The following AFTPH variants were observed in gnomAD, a reference collection of about 807,000 sequenced individuals.
The protein encoded by AFTPH is aftiphilin protein.
In AFTPH, 7 loss-of-function variants were observed where a neutral mutation model predicts 72.5. That is an observed-to-expected ratio of 0.10 (90% CI 0.05 to 0.18). The LOEUF is 0.18. Among genes scored for constraint, AFTPH ranks in the 10% least tolerant of loss-of-function variants. The probability of loss-of-function intolerance (pLI) is 1.00; values close to 1 mark genes in which losing one functional copy is unlikely to be tolerated. For synonymous variants in AFTPH, 337 were observed against 370.1 expected (o/e 0.91, Z 1.03); for missense variants, 979 against 1,060.5 (o/e 0.92, Z 1.07).
At chr2:64,551,540 T>G (rs767613047) in exon 2 of AFTPH, 2 of 1,610,126 alleles carry the variant, frequency 1.2e-6, no homozygotes, top group South Asian at 2.2e-5. Flanking sequence ...GAGCAGAGGA[T>G]GATGATGATG....
At chr2:64,556,578 A>C (rs1671389639) in intron 2 of AFTPH, among the ~76,000 whole-genome samples, 1 of 152,134 alleles carries the variant, frequency 6.6e-6, no homozygotes, top group African/African-American at 2.4e-5. Flanking sequence ...TCCACTTTTC[A>C]CTATTTGGTA....
exon 1 of AFTPH, chr2:64,524,369 CGCGGAGGAG>C (rs1416585433): frequency 2.5e-6 from 1 of 402,366 alleles, no homozygotes; most frequent in Non-Finnish European, 4.4e-6. Flanking sequence ...GGGGGGTCTC[CGCGGAGGAG>C]GTGGAGGAGG....
intron 6 of AFTPH, among the ~76,000 whole-genome samples, chr2:64,577,149 C>T (rs570960726): frequency 2.0e-5 from 3 of 152,284 alleles, no homozygotes; most frequent in Non-Finnish European, 2.9e-5. Context: ...ATCCAAGCCT[C>T]CTGTCTCCAT....
chr2:64,573,916 A>G (rs1672614017), intron 6 of AFTPH, among the ~76,000 whole-genome samples: 1 of 152,202 alleles, frequency 6.6e-6, no homozygotes, highest in Non-Finnish European at 1.5e-5. Flanking sequence ...TGGCTTCCCA[A>G]AGTGCTGGGA....
rs1417241275 is a variant in AFTPH at position 64,581,283 on chromosome 2, G to C, written c.2455+1737G>C. 7.6e-6 allele frequency: 12 copies of C among 1,577,320 alleles called. No homozygotes were observed. The highest frequency in any genetic ancestry group is 1.0e-5 in the Non-Finnish European group (12 of 1,161,666). On this transcript the variant is annotated intron_variant, in intron 7 of 8. Coordinates refer to ENST00000238856, the Ensembl canonical transcript of AFTPH. ...AGCACCACAATCCCAGGTCAGCAGA[G>C]TGTTAAAACCACAATTCCAGTTTAT...
intron 7 of AFTPH, chr2:64,580,964 C>A: frequency 3.0e-6 from 1 of 337,016 alleles, no homozygotes; most frequent in Non-Finnish European, 5.4e-6. Flanking sequence ...TTACATTGTA[C>A]ATGAGAAAAT....
At chr2:64,573,459 A>G (rs1272565680) in intron 6 of AFTPH, among the ~76,000 whole-genome samples, 1 of 151,756 alleles carries the variant, frequency 6.6e-6, no homozygotes, top group African/African-American at 2.4e-5. Flanking sequence ...AAAAGAAAAA[A>G]GGAAACACTG....
chr2:64,580,280 C>T (rs1023929867), intron 7 of AFTPH: 1 of 152,596 alleles, frequency 6.6e-6, no homozygotes, highest in East Asian at 1.9e-4. Context: ...TTAAGTTGTT[C>T]GAGCCATTGT....
At chr2:64,566,867 A>C (rs990001615) in intron 2 of AFTPH, among the ~76,000 whole-genome samples, 2 of 152,170 alleles carry the variant, frequency 1.3e-5, no homozygotes, top group African/African-American at 4.8e-5. Flanking sequence ...GTAGTGTAGT[A>C]TTCTATTCAA....
At chr2:64,550,074 A>G (rs1383434629) in intron 1 of AFTPH, among the ~76,000 whole-genome samples, 1 of 152,232 alleles carries the variant, frequency 6.6e-6, no homozygotes, top group Admixed American at 6.5e-5. Context: ...GGGTTTATAT[A>G]TTTTAGAGAA....
Position 64,572,995 on chromosome 2 carries a change from A to C in AFTPH, c.2321A>C (p.Glu774Ala). Residue 774 changes from glutamate (E) to alanine (A), a missense_variant, in exon 6 of 9, where the codon GAA becomes GCA. Transcript: ENST00000238856. ...CCACTGAAACCACTTTCTGCTGCAG[A>C]AAAAATAGCTTCCATCGGTCAGACA... The C allele has an allele frequency of 6.2e-7, 1 of 1,614,140 alleles. No individual in the cohort carries two copies. The highest frequency in any genetic ancestry group is 8.5e-7 in the Non-Finnish European group (1 of 1,179,990).
chr2:64,555,337 G>C (rs1403551441), intron 2 of AFTPH, among the ~76,000 whole-genome samples: 1 of 152,090 alleles, frequency 6.6e-6, no homozygotes, highest in African/African-American at 2.4e-5. Flanking sequence ...GAAGTGGGTG[G>C]ATCACTTGAG....
Position 64,526,040 on chromosome 2 carries a change from A to G in AFTPH, c.-33+1428A>G, listed in dbSNP as rs1014570220. 2.0e-5 allele frequency among the ~76,000 whole-genome samples: 3 copies of G among 152,236 alleles called. No individual in the cohort carries two copies. The South Asian group carries it at 6.2e-4, about 31-fold the overall frequency. Reference sequence around the variant, plus strand: ...TTAAATCTTCAAAAACCTCTGGAAAAAAATCCACTACAATTCACATAATAT... The same window carrying G: ...TTAAATCTTCAAAAACCTCTGGAAAGAAATCCACTACAATTCACATAATAT... On this transcript the variant is annotated intron_variant, in intron 1 of 8. Coordinates refer to ENST00000238856, the Ensembl canonical transcript of AFTPH.
chr2:64,532,670 T>C (rs1210169579), intron 1 of AFTPH, among the ~76,000 whole-genome samples: 1 of 152,182 alleles, frequency 6.6e-6, no homozygotes, highest in Admixed American at 6.5e-5. Flanking sequence ...CTTGTTAAGC[T>C]CAGTTTGAGA....
At chr2:64,565,392 G>A (rs962448247) in intron 2 of AFTPH, among the ~76,000 whole-genome samples, 3 of 149,382 alleles carry the variant, frequency 2.0e-5, no homozygotes, top group Non-Finnish European at 3.0e-5. Context: ...GGAGAATGAC[G>A]TGAACCTGGG....
chr2:64,524,651 A>T (rs1669134786), intron 1 of AFTPH, 39 bp downstream of exon 1: 1 of 396,548 alleles, frequency 2.5e-6, no homozygotes, highest in Non-Finnish European at 4.4e-6. Context: ...TGCGCCGGGG[A>T]AAGAGGGTGC....
chr2:64,551,635 G>A lies in AFTPH; in HGVS notation c.161G>A (p.Arg54His), dbSNP rs774796802. 1.2e-5 allele frequency: 20 copies of A among 1,613,802 alleles called. No individual in the cohort carries two copies. In the Admixed American group the frequency reaches 1.5e-4, roughly 12 times the overall value. Residue 54 changes from arginine (R) to histidine (H), a missense_variant, in exon 2 of 9, where the codon CGT becomes CAT. This residue lies in a region of AFTPH where 498 missense variants were observed against 467.6 expected (regional missense o/e 1.06). Coordinates refer to ENST00000238856, the Ensembl canonical transcript of AFTPH. ...GATTTCGATACACCAGATTATACTC[G>A]TCCCAAGGAAGAGTTTGTACCTTCA...
In AFTPH at chr2:64,551,435, T is replaced by C. The variant is rs1317871202; in HGVS notation, c.-32-8T>C. 3 of 1,560,674 alleles carry C rather than the reference T, an allele frequency of 1.9e-6. No individual in the cohort carries two copies. Among genetic ancestry groups the C allele is most frequent in the Non-Finnish European group, 8.6e-7 (1 of 1,158,264 alleles). On this transcript the variant is annotated splice_polypyrimidine_tract_variant and splice_region_variant and intron_variant, in intron 1 of 8. Transcript: ENST00000238856. ...CCCCTCCAAAAATTCTTTTTTTCTTTTTTACAGGTGTAAATTAATTATTTG... is the reference window on the plus strand; with the variant it reads ...CCCCTCCAAAAATTCTTTTTTTCTTCTTTACAGGTGTAAATTAATTATTTG...
chr2:64,538,826 C>CT (rs576980579), intron 1 of AFTPH, among the ~76,000 whole-genome samples: 88 of 152,286 alleles, frequency 5.8e-4, no homozygotes, highest in African/African-American at 1.9e-3. Flanking sequence ...TAATTGAACT[C>CT]TAACTGCACT....
Sources: gnomAD v4.1 joint callset for allele counts (sites outside exome capture counted in the v4.1 genomes callset) on GRCh38, gnomAD v4.1.1 for gene constraint, gnomAD v4.1.1 regional missense constraint, MANE v1.5 for transcripts, NCBI Gene and HGNC (gene_info 2026-07-23, HGNC 2026-07-21) for gene names.